FNBP1: variants seen among roughly 807,000 people sequenced by gnomAD.
The protein encoded by FNBP1 is formin-binding protein 1.
A neutral mutation model predicts 90.6 loss-of-function variants in FNBP1; 26 were observed. The ratio of observed to expected loss-of-function variants is 0.29; its 90% confidence interval spans 0.21 to 0.40. The LOEUF (loss-of-function observed/expected upper bound fraction) is 0.40, where lower values mean the gene tolerates loss of function less well. Among genes scored for constraint, FNBP1 ranks in the 10% least tolerant of loss-of-function variants. The pLI is 1.00. For synonymous variants in FNBP1, 260 were observed against 265.2 expected, an observed-to-expected ratio of 0.98 and a Z score of 0.19; for missense variants, 635 against 768.0, an observed-to-expected ratio of 0.83 and a Z score of 2.05.
Position 129,959,402 on chromosome 9 carries a change from A to C in FNBP1, c.346-849T>G, listed in dbSNP as rs571605872. Among the ~76,000 whole-genome samples the C allele has an allele frequency of 2.8e-3, 422 of 151,854 alleles. 2 individuals are homozygous for C. Among genetic ancestry groups the C allele is most frequent in the Middle Eastern group, 0.014 (4 of 294 alleles). ...TCAGGAGTTCAAGACCAGCCTGGCC[A>C]ATATGGTGAAACCCCATCTCTACTA... On this transcript the variant is annotated intron_variant, in intron 4 of 16. Transcript: ENST00000446176.
chr9:129,921,211 C>T lies in FNBP1; in HGVS notation c.1170+2633G>A, dbSNP rs187654766. On this transcript the variant is annotated intron_variant, in intron 10 of 16. Coordinates refer to ENST00000446176, the MANE Select transcript of FNBP1 (RefSeq NM_015033.3). ...ATGTGAGGAAATATTGTTTTGTCCCCTATTTTTAAAAAGCATTGATAATAA... is the reference window on the plus strand; with the variant it reads ...ATGTGAGGAAATATTGTTTTGTCCCTTATTTTTAAAAAGCATTGATAATAA... 1.4e-4 allele frequency among the ~76,000 whole-genome samples: 21 copies of T among 151,994 alleles called. No individual in the cohort carries two copies. In the East Asian group the frequency reaches 3.9e-3, roughly 28 times the overall value.
chr9:130,017,608 T>C (rs2057366092), intron 1 of FNBP1, among the ~76,000 whole-genome samples: 1 of 152,040 alleles, frequency 6.6e-6, no homozygotes, highest in Non-Finnish European at 1.5e-5. Context: ...GGCAGGAGGA[T>C]CACTTGAGGT....
chr9:129,906,317 C>A (rs2038049397), intron 12 of FNBP1, among the ~76,000 whole-genome samples: 1 of 152,110 alleles, frequency 6.6e-6, no homozygotes. Flanking sequence ...TGAAAATGTT[C>A]TTATGTGGGC....
chr9:129,908,204 C>CTTTTTT (rs60610339), intron 12 of FNBP1, among the ~76,000 whole-genome samples: 1 of 131,078 alleles, frequency 7.6e-6, no homozygotes, highest in Non-Finnish European at 1.6e-5. Flanking sequence ...GTCTCTCTCT[C>CTTTTTT]TTTTTTTTTT....
At chr9:129,981,670 G>A (rs917721698) in intron 2 of FNBP1, among the ~76,000 whole-genome samples, 1 of 151,886 alleles carries the variant, frequency 6.6e-6, no homozygotes, top group Non-Finnish European at 1.5e-5. Context: ...ATTGCTCTGG[G>A]AATCAAGAGA....
intron 1 of FNBP1, among the ~76,000 whole-genome samples, chr9:130,039,235 T>C (rs566077056): frequency 6.6e-6 from 1 of 152,368 alleles, no homozygotes; most frequent in South Asian, 2.1e-4. Flanking sequence ...ATGTATATAA[T>C]GTAACTTACA....
intron 1 of FNBP1, among the ~76,000 whole-genome samples, chr9:130,023,365 G>A: frequency 6.6e-6 from 1 of 152,154 alleles, no homozygotes; most frequent in East Asian, 1.9e-4. Flanking sequence ...TGAACCCTCA[G>A]AGCTCACTGG....
At chr9:129,979,936 C>G (rs1366928462) in intron 2 of FNBP1, among the ~76,000 whole-genome samples, 1 of 151,430 alleles carries the variant, frequency 6.6e-6, no homozygotes, top group African/African-American at 2.4e-5. Context: ...AGCCACGGTG[C>G]CCGGCTGTGC....
At chr9:130,005,195 C>A (rs569258708) in intron 1 of FNBP1, among the ~76,000 whole-genome samples, 1 of 151,456 alleles carries the variant, frequency 6.6e-6, no homozygotes, top group African/African-American at 2.4e-5. Context: ...GAGATCGCAC[C>A]ACTACACTCT....
chr9:129,933,616 A>G (rs1197577419), intron 6 of FNBP1: 3 of 152,216 alleles, frequency 2.0e-5, no homozygotes, highest in Non-Finnish European at 2.9e-5. Context: ...AGCTGTGTAG[A>G]AGATAATAAA....
At chr9:129,928,218 CAAAAG>C (rs2042201269) in intron 7 of FNBP1, among the ~76,000 whole-genome samples, 1 of 152,128 alleles carries the variant, frequency 6.6e-6, no homozygotes. Flanking sequence ...CTAACATGAG[CAAAAG>C]AAAACAATCC....
In FNBP1 at chr9:130,041,229, C is replaced by T. The variant is rs916327035; in HGVS notation, c.24+1723G>A. 3.3e-5 allele frequency among the ~76,000 whole-genome samples: 5 copies of T among 152,060 alleles called. No individual in the cohort carries two copies. The highest frequency in any genetic ancestry group is 1.3e-4 in the Admixed American group (2 of 15,256). ...TGTACAGAATAATGCAAGCAATTGC[C>T]GCTGTTTTAGCAGTTTTGCTCATAG... On this transcript the variant is annotated intron_variant, in intron 1 of 16. Coordinates refer to ENST00000446176, the MANE Select transcript of FNBP1 (RefSeq NM_015033.3). The surrounding 1 kb of genome is among the most constrained non-coding windows in gnomAD (Gnocchi z 4.3).
chr9:129,939,382 T>C (rs1202805288), intron 6 of FNBP1, among the ~76,000 whole-genome samples: 1 of 149,362 alleles, frequency 6.7e-6, no homozygotes, highest in Non-Finnish European at 1.5e-5. Flanking sequence ...AGAGCAAGCC[T>C]CCGTCCCGAA....
intron 10 of FNBP1, among the ~76,000 whole-genome samples, chr9:129,916,416 G>A (rs542210730): frequency 1.4e-4 from 21 of 152,166 alleles, no homozygotes; most frequent in South Asian, 2.1e-4. Context: ...TCGGGAGCTC[G>A]AGACCAGCCT....
rs113606712 is a variant in FNBP1 at position 129,900,716 on chromosome 9, G to A, written c.1429-169C>T. 4.2e-4 allele frequency among the ~76,000 whole-genome samples: 64 copies of A among 152,368 alleles called. No homozygotes were observed. Among genetic ancestry groups the A allele is most frequent in the African/African-American group, 1.4e-3 (58 of 41,584 alleles). On this transcript the variant is annotated intron_variant, in intron 13 of 16. Transcript: ENST00000446176. The surrounding 1 kb of genome is among the most constrained non-coding windows in gnomAD (Gnocchi z 4.1). ...CCAATGTGAGGAAGTCCACGTGGGG[G>A]CAGAATGGCCACGTTTTCTGCCTTC...
intron 11 of FNBP1, among the ~76,000 whole-genome samples, chr9:129,912,593 C>A (rs1227030804): frequency 1.3e-5 from 2 of 148,520 alleles, no homozygotes; most frequent in Non-Finnish European, 3.0e-5. Context: ...GAGGCTGAGG[C>A]AGGAAAATCG....
chr9:129,951,850 T>A (rs2046224745), intron 6 of FNBP1, among the ~76,000 whole-genome samples: 1 of 152,164 alleles, frequency 6.6e-6, no homozygotes, highest in Non-Finnish European at 1.5e-5. Context: ...GCAATCACAG[T>A]AAGCTTTCTT....
At chr9:130,051,851 T>C in the FNBP1 span, among the ~76,000 whole-genome samples, 1 of 152,076 alleles carries the variant, frequency 6.6e-6, no homozygotes, top group Non-Finnish European at 1.5e-5. Flanking sequence ...TGTACTTGAC[T>C]AAGAGAGTAA....
Position 129,916,004 on chromosome 9 carries a change from A to G in FNBP1, c.1171-24T>C, listed in dbSNP as rs182220955. 2.2e-3 allele frequency: 3,387 copies of G among 1,571,298 alleles called. 12 individuals are homozygous for G. The highest frequency in any genetic ancestry group is 4.5e-3 in the Middle Eastern group (27 of 5,990). ...AGCTTCATGTAAAAATTGGAGAGGTATGGGAAAAATAGAGAGAAAGAGAGA... is the reference window on the plus strand; with the variant it reads ...AGCTTCATGTAAAAATTGGAGAGGTGTGGGAAAAATAGAGAGAAAGAGAGA... On this transcript the variant is annotated intron_variant, in intron 10 of 16. Transcript: ENST00000446176.
Sources: gnomAD v4.1 joint callset for allele counts (sites outside exome capture counted in the v4.1 genomes callset) on GRCh38, gnomAD v4.1.1 for gene constraint, Gnocchi (gnomAD v3.1) non-coding constraint, MANE v1.5 for transcripts, NCBI Gene and HGNC (gene_info 2026-07-23, HGNC 2026-07-21) for gene names.